Variants in PIBF1 observed in about 807,000 individuals in gnomAD.
PIBF1 encodes the protein progesterone-induced-blocking factor 1.
Under a neutral mutation model 112.5 loss-of-function variants are expected in PIBF1, and 90 were observed. The observed-to-expected ratio is 0.80, with a 90% CI of 0.67 to 0.95. PIBF1 has a LOEUF of 0.95. Ranked by LOEUF, PIBF1 falls within the 40% of genes least tolerant of loss-of-function variation. The pLI is 0.00. For synonymous variants in PIBF1, 301 were observed against 288.6 expected (o/e 1.04, Z -0.44); for missense variants, 915 against 852.3 (o/e 1.07, Z -0.92).
chr13:72,908,904 T>C (rs1374995606), intron 12 of PIBF1, among the ~76,000 whole-genome samples: 37 of 151,190 alleles, frequency 2.4e-4, no homozygotes, highest in Admixed American at 2.4e-3. Context: ...CAAAAAAAAA[T>C]TACCCAGGAG....
intron 16 of PIBF1, among the ~76,000 whole-genome samples, chr13:72,976,678 C>G (rs1055416175): frequency 6.6e-6 from 1 of 152,084 alleles, no homozygotes; most frequent in African/African-American, 2.4e-5. Flanking sequence ...ATCATATATA[C>G]ACATGCAAAG....
chr13:72,829,811 TGAA>T (rs1252278445), intron 8 of PIBF1, among the ~76,000 whole-genome samples: 3 of 152,300 alleles, frequency 2.0e-5, no homozygotes, highest in South Asian at 2.1e-4. Context: ...TCCAATTCCG[TGAA>T]GAAGGTCAGT....
chr13:72,876,186 T>C (rs2039393926), intron 10 of PIBF1, among the ~76,000 whole-genome samples: 1 of 124,778 alleles, frequency 8.0e-6, no homozygotes, highest in East Asian at 2.7e-4. Context: ...TAGCAACATA[T>C]CTTGAAAAGA....
chr13:72,801,672 C>T (rs920296733), intron 5 of PIBF1, among the ~76,000 whole-genome samples: 4 of 152,156 alleles, frequency 2.6e-5, no homozygotes, highest in Admixed American at 2.0e-4. Flanking sequence ...CTGCTTAAAA[C>T]GCTGTATGAT....
intron 14 of PIBF1, among the ~76,000 whole-genome samples, chr13:72,939,333 T>A (rs2041950857): frequency 6.6e-6 from 1 of 152,146 alleles, no homozygotes; most frequent in South Asian, 2.1e-4. Flanking sequence ...TCCTAAAACA[T>A]GTTCATCACC....
chr13:72,908,499 C>G (rs2040777858), intron 11 of PIBF1, 32 bp from the exon 12 acceptor site: 16 of 1,516,702 alleles, frequency 1.1e-5, no homozygotes, highest in Non-Finnish European at 1.4e-5. Context: ...CTGTTTAATT[C>G]TGCCTTTGTA....
intron 15 of PIBF1, 141 bp from the exon 16 acceptor site, chr13:72,973,450 C>G (rs893358975): frequency 2.1e-6 from 1 of 468,316 alleles, no homozygotes; most frequent in African/African-American, 2.0e-5. Context: ...ATTTTAGTGG[C>G]TGGTCTGGAA....
intron 2 of PIBF1, among the ~76,000 whole-genome samples, chr13:72,791,077 T>C (rs1055204790): frequency 1.4e-5 from 2 of 145,470 alleles, no homozygotes; most frequent in Non-Finnish European, 3.1e-5. Context: ...TTGTTTTAGA[T>C]GGAGTCTCAC....
chr13:72,852,870 A>G (rs2038230139), intron 9 of PIBF1, among the ~76,000 whole-genome samples: 4 of 152,166 alleles, frequency 2.6e-5, no homozygotes. Context: ...TGGAGTAAGA[A>G]ATAACTGGAT....
At chr13:72,847,438 AG>A (rs1289551985) in intron 9 of PIBF1, among the ~76,000 whole-genome samples, 1 of 152,220 alleles carries the variant, frequency 6.6e-6, no homozygotes, top group Non-Finnish European at 1.5e-5. Context: ...ATATGGCATA[AG>A]GCAAGAAGGT....
chr13:72,897,796 T>C (rs548010666), intron 11 of PIBF1, among the ~76,000 whole-genome samples: 1 of 152,280 alleles, frequency 6.6e-6, no homozygotes, highest in East Asian at 1.9e-4. Context: ...CTCCCAAATT[T>C]ATAAAACAAT....
intron 12 of PIBF1, among the ~76,000 whole-genome samples, chr13:72,915,048 A>G (rs1233375697): frequency 6.6e-6 from 1 of 152,220 alleles, no homozygotes; most frequent in African/African-American, 2.4e-5. Context: ...TAAAAATACA[A>G]TATAACAACT....
chr13:72,783,626 C>T lies in PIBF1; in HGVS notation c.157C>T (p.Arg53Ter), dbSNP rs756656568. The change falls in exon 2 of 18, where the codon CGA becomes TGA. Residue 53 changes from arginine (R) to a stop codon, truncating the protein, a stop_gained. Transcript: ENST00000326291. LOFTEE classifies it high-confidence loss of function. ...CAGAATCACCAGGCAGCTAATTGAACGAAAAGAACTACTTCATAATATTCA... is the reference window on the plus strand; with the variant it reads ...CAGAATCACCAGGCAGCTAATTGAATGAAAAGAACTACTTCATAATATTCA... ...KVRITRQLIE[R>*]KELLHNIQLL... 19 of 1,613,770 alleles carry T rather than the reference C, an allele frequency of 1.2e-5. No individual in the cohort carries two copies. The highest frequency in any genetic ancestry group is 1.7e-5 in the Admixed American group (1 of 59,992).
At chr13:72,815,756 C>G (rs1284889497) in intron 5 of PIBF1, among the ~76,000 whole-genome samples, 3 of 152,148 alleles carry the variant, frequency 2.0e-5, no homozygotes, top group Non-Finnish European at 4.4e-5. Flanking sequence ...GCCTTGAAGT[C>G]CTAGGCTTAA....
At chr13:72,843,851 A>G in intron 9 of PIBF1, among the ~76,000 whole-genome samples, 1 of 152,202 alleles carries the variant, frequency 6.6e-6, no homozygotes, top group Non-Finnish European at 1.5e-5. Context: ...TAGTAGAAGG[A>G]ACCCTAAGCT....
intron 4 of PIBF1, among the ~76,000 whole-genome samples, chr13:72,796,456 A>G (rs974605429): frequency 3.3e-5 from 5 of 152,100 alleles, no homozygotes; most frequent in Non-Finnish European, 7.4e-5. Flanking sequence ...GTGCGTTTCT[A>G]TTGGGGATAA....
intron 14 of PIBF1, among the ~76,000 whole-genome samples, chr13:72,955,607 A>G (rs2042424521): frequency 6.6e-6 from 1 of 152,168 alleles, no homozygotes; most frequent in African/African-American, 2.4e-5. Flanking sequence ...TTATACACAC[A>G]CATACATACA....
intron 2 of PIBF1, among the ~76,000 whole-genome samples, chr13:72,788,291 A>C (rs1381851019): frequency 1.3e-5 from 2 of 152,176 alleles, no homozygotes; most frequent in African/African-American, 4.8e-5. Context: ...GATTGAACCA[A>C]CTGCCCAGGG....
At chr13:72,879,169 A>G (rs780593300) in intron 10 of PIBF1, among the ~76,000 whole-genome samples, 15 of 151,454 alleles carry the variant, frequency 9.9e-5, no homozygotes, top group Admixed American at 2.6e-4. Context: ...CTTTGTTTCT[A>G]TTTTTCACTC....
Sources: allele counts gnomAD v4.1 joint callset (sites outside exome capture counted in the v4.1 genomes callset), GRCh38; gene constraint gnomAD v4.1.1; transcripts MANE v1.5; gene names NCBI Gene and HGNC (gene_info 2026-07-23, HGNC 2026-07-21).